The following C22orf23 variants were observed in gnomAD, a reference collection of about 807,000 sequenced individuals.
The protein encoded by C22orf23 is chromosome 22 open reading frame 23, also known as UPF0193 protein EVG1.
In C22orf23, 30 loss-of-function variants were observed where a neutral mutation model predicts 29.7. The observed-to-expected ratio is 1.01, with a 90% CI of 0.76 to 1.37. The LOEUF (loss-of-function observed/expected upper bound fraction) is 1.37, where lower values mean the gene tolerates loss of function less well. Among genes scored for constraint, C22orf23 ranks in the 40% most tolerant of loss-of-function variants. The pLI is 0.00. For synonymous variants in C22orf23, 90 were observed against 96.1 expected (o/e 0.94, Z 0.37); for missense variants, 237 against 273.1 (o/e 0.87, Z 0.93).
intron 4 of C22orf23, among the ~76,000 whole-genome samples, chr22:37,946,130 G>C (rs1056344761): frequency 9.9e-5 from 15 of 151,802 alleles, no homozygotes; most frequent in Admixed American, 6.6e-4. Flanking sequence ...GTGATGGCAG[G>C]TGCCTGTAGT....
Position 37,951,797 on chromosome 22 carries a change from C to CTTTTTTTTTTTTTTTTTTTTTTTTT in C22orf23, c.104-300_104-276dup, listed in dbSNP as rs551481283. ...CTGTTAAATATTTTTTCCTCTTTCT[C>CTTTTTTTTTTTTTTTTTTTTTTTTT]TTTTTTTTTTTTTTTTTTTTTTTTT... On this transcript the variant is annotated intron_variant, in intron 2 of 6. Transcript: ENST00000403305. 4 of 38,746 alleles carry CTTTTTTTTTTTTTTTTTTTTTTTTT rather than the reference C, an allele frequency of 1.0e-4. 1 individual carries two copies. The highest frequency in any genetic ancestry group is 1.4e-4 in the Non-Finnish European group (3 of 21,772). The allele number at this position is 38,746 out of a possible 1,614,324, so 2.4% of individuals were successfully genotyped here.
chr22:37,948,455 C>A (rs182349347), intron 3 of C22orf23, among the ~76,000 whole-genome samples: 2,305 of 140,248 alleles, frequency 0.016, 63 homozygotes, highest in African/African-American at 0.067. Context: ...CTCAAAAAAA[C>A]CCCCAAAAAA....
At chr22:37,952,896 C>T in intron 2 of C22orf23, 151 bp downstream of exon 2, 1 of 651,556 alleles carries the variant, frequency 1.5e-6, no homozygotes, top group Non-Finnish European at 2.7e-6. Flanking sequence ...TTGCACGCTC[C>T]TTATGAGAAT....
intron 4 of C22orf23, among the ~76,000 whole-genome samples, chr22:37,945,567 T>C (rs1930648670): frequency 6.7e-6 from 1 of 149,184 alleles, no homozygotes; most frequent in Admixed American, 6.7e-5. Flanking sequence ...CAATTTCGGC[T>C]CACTGCAACC....
At position 37,943,903 on chromosome 22, in the gene C22orf23, C is replaced by T. The variant is rs1930535271; in HGVS notation, c.*272G>A. ...CAGGTCAGAAGTGGTGGGAAGCAGG[C>T]CCAGTGGATACCTTTAGACACATGT... On this transcript the variant is annotated 3_prime_UTR_variant, in exon 7 of 7. Coordinates refer to ENST00000403305, the MANE Select transcript of C22orf23 (RefSeq NM_032561.5). 1.9e-6 allele frequency: 1 copy of T among 523,092 alleles called. No homozygotes were observed. Among genetic ancestry groups the T allele is most frequent in the Non-Finnish European group, 3.5e-6 (1 of 289,706 alleles). 32.4% of individuals were successfully genotyped at this position (523,092 alleles called of 1,614,324 possible). A position where few individuals can be genotyped will look rare whatever the true frequency, so the allele number is the denominator to read the frequency against.
In C22orf23 at chr22:37,947,456, A is replaced by T. The variant is rs890575444; in HGVS notation, c.174T>A (p.Asp58Glu). The T allele has an allele frequency of 1.9e-6, 3 of 1,556,990 alleles. No homozygotes were observed. The highest frequency in any genetic ancestry group is 2.8e-5 in the African/African-American group (2 of 70,384). ...RHIMDIMKRG[D>E]ALPLQCSPTS... Reference sequence around the variant, plus strand: ...TTGGGCTGCACTGTAGGGGCAAAGCATCTCCTCCTGGGGAACGAAGAGTTG... The same window carrying T: ...TTGGGCTGCACTGTAGGGGCAAAGCTTCTCCTCCTGGGGAACGAAGAGTTG... The change falls in exon 4 of 7, where the codon GAT becomes GAA. Residue 58 changes from aspartate to glutamate, a missense_variant. Transcript: ENST00000403305.
chr22:37,945,227 A>T, intron 4 of C22orf23, 54 bp from the exon 5 acceptor site: 1 of 1,576,348 alleles, frequency 6.3e-7, no homozygotes. Context: ...GCCCTTATTC[A>T]TGGTCTGTGT....
At chr22:37,946,578 CAAAA>C (rs891945997) in intron 4 of C22orf23, among the ~76,000 whole-genome samples, 2 of 54,846 alleles carry the variant, frequency 3.6e-5, no homozygotes, top group Non-Finnish European at 3.7e-5. Context: ...GACACTGTCT[CAAAA>C]AAAAAAAAAA....
intron 4 of C22orf23, among the ~76,000 whole-genome samples, chr22:37,945,419 T>G (rs1930637060): frequency 6.6e-6 from 1 of 150,556 alleles, no homozygotes. Context: ...GAGGCTGAGG[T>G]GGGAGGATTG....
intron 2 of C22orf23, chr22:37,952,760 G>A (rs1269755050): frequency 2.9e-6 from 1 of 339,778 alleles, no homozygotes; most frequent in East Asian, 6.8e-5. Flanking sequence ...GTTAGGAACC[G>A]GGCCGCACAG....
intron 3 of C22orf23, among the ~76,000 whole-genome samples, chr22:37,949,086 TA>T (rs925933121): frequency 1.3e-5 from 2 of 152,138 alleles, no homozygotes; most frequent in African/African-American, 4.8e-5. Flanking sequence ...GATGGGTTCC[TA>T]AAACTTTCTG....
Position 37,945,147 on chromosome 22 carries a change from G to A in C22orf23, c.376C>T (p.Leu126Phe), listed in dbSNP as rs1377278550. The A allele has an allele frequency of 1.2e-6, 2 of 1,613,486 alleles. No homozygotes were observed. Among genetic ancestry groups the A allele is most frequent in the South Asian group, 1.1e-5 (1 of 91,022 alleles). The change falls in exon 5 of 7, where the codon CTC becomes TTC. Residue 126 changes from leucine to phenylalanine, a missense_variant. Transcript: ENST00000403305. ...TTCCCTGTGGCAAAGATATTTTGGA[G>A]TCTTTGTTTCTCCTTCTCCAAATCC... ...TRDLEKEKQR[L>F]QNIFATGKDM...
Position 37,953,099 on chromosome 22 carries a change from C to A in C22orf23, c.51G>T (p.Arg17=). The A allele has an allele frequency of 6.2e-7, 1 of 1,613,974 alleles. No individual in the cohort carries two copies. The highest frequency in any genetic ancestry group is 8.5e-7 in the Non-Finnish European group (1 of 1,179,948). The change falls in exon 2 of 7, where the codon CGG becomes CGT. Residue 17 remains arginine (R), a synonymous_variant. Coordinates refer to ENST00000403305, the MANE Select transcript of C22orf23 (RefSeq NM_032561.5). ...MEVVTKGTGF[R]RRPKTITYTP... ...TGTAAGTGATGGTCTTGGGGCGGCG[C>A]CGGAACCCAGTTCCTTTGGTCACTA...
intron 3 of C22orf23, 76 bp downstream of exon 3, chr22:37,951,384 C>T: frequency 7.5e-7 from 1 of 1,329,218 alleles, no homozygotes. Context: ...GGTCCTCTCT[C>T]CCTTAACATG....
rs1390090606 is a variant in C22orf23, at chr22:37,944,728, G to A, written c.482-211C>T. 1.1e-4 allele frequency: 61 copies of A among 566,078 alleles called. 1 individual carries two copies. In the South Asian group the frequency reaches 1.2e-3, roughly 11 times the overall value. 35.1% of individuals were successfully genotyped at this position (566,078 alleles called of 1,614,324 possible). A position where few individuals can be genotyped will look rare whatever the true frequency, so the allele number is the denominator to read the frequency against. ...AGCCTGACCAACATGGTGAAACCCC[G>A]TGTCTACTAAAAATACAAAAATTAG... is the stretch of plus-strand genomic sequence containing the variant. On this transcript the variant is annotated intron_variant, in intron 5 of 6. Transcript: ENST00000403305.
chr22:37,950,135 C>T (rs964339985), intron 3 of C22orf23, among the ~76,000 whole-genome samples: 4 of 151,474 alleles, frequency 2.6e-5, no homozygotes, highest in African/African-American at 9.7e-5. Context: ...GTTTTTGAGA[C>T]GATGTCTTGC....
chr22:37,947,190 C>T, intron 4 of C22orf23, 91 bp downstream of exon 4: 3 of 1,378,528 alleles, frequency 2.2e-6, no homozygotes, highest in Admixed American at 1.8e-5. Context: ...GATTAGCTAC[C>T]TTCCCACCTG....
Position 37,944,086 on chromosome 22 carries a change from G to A in C22orf23, c.*89C>T. On this transcript the variant is annotated 3_prime_UTR_variant, in exon 7 of 7. Transcript: ENST00000403305. ...ACCTGACGTGGCAGAAGGCTGGTAG[G>A]ATGGGCTGGCCTGAGGATGGCCCTG... 1 of 1,227,988 alleles carries A rather than the reference G, an allele frequency of 8.1e-7. No individual in the cohort carries two copies. The allele number at this position is 1,227,988 out of a possible 1,614,324, so 76.1% of individuals were successfully genotyped here.
intron 3 of C22orf23, among the ~76,000 whole-genome samples, chr22:37,949,453 T>TTTG (rs1172672794): frequency 1.8e-4 from 24 of 132,120 alleles, no homozygotes; most frequent in African/African-American, 7.1e-4. Flanking sequence ...TGGCTAATTT[T>TTTG]TTTTTTTTTT....
Sources: allele counts gnomAD v4.1 joint callset (sites outside exome capture counted in the v4.1 genomes callset), GRCh38; gene constraint gnomAD v4.1.1; transcripts MANE v1.5; gene names NCBI Gene and HGNC (gene_info 2026-07-23, HGNC 2026-07-21).